The following KCNT2 variants were observed in gnomAD, a reference collection of about 807,000 sequenced individuals.
The protein encoded by KCNT2 is potassium sodium-activated channel subfamily T member 2.
In KCNT2, 67 loss-of-function variants were observed where a neutral mutation model predicts 153.8. The ratio of observed to expected loss-of-function variants is 0.44; its 90% confidence interval spans 0.36 to 0.53. The LOEUF (loss-of-function observed/expected upper bound fraction) is 0.53, where lower values mean the gene tolerates loss of function less well. KCNT2 is among the 20% of genes least tolerant of loss of function. The probability of loss-of-function intolerance (pLI) is 0.00; values close to 1 mark genes in which losing one functional copy is unlikely to be tolerated. For missense variants in KCNT2, 975 were observed against 1,354.8 expected, an observed-to-expected ratio of 0.72 and a Z score of 4.40; for synonymous variants, 500 against 458.8, an observed-to-expected ratio of 1.09 and a Z score of -1.15.
At chr1:196,528,246 T>C (rs997264217) in intron 1 of KCNT2, among the ~76,000 whole-genome samples, 88 of 152,224 alleles carry the variant, frequency 5.8e-4, no homozygotes, top group Non-Finnish European at 4.1e-4. Context: ...TAGAATCAGA[T>C]GTAGAATTAT....
At position 196,280,858 on chromosome 1, in the gene KCNT2, A is replaced by C. The variant is rs1376444628; in HGVS notation, c.2910+2T>G. 1 of 1,611,232 alleles carries C rather than the reference A, an allele frequency of 6.2e-7. No individual in the cohort carries two copies. The highest frequency in any genetic ancestry group is 1.7e-5 in the Admixed American group (1 of 59,936). ...AACAAGAATATTTTGTTATTTCCAA[A>C]CCTCAGATGTAGTAAGTTTCTGAGA... On this transcript the variant is annotated splice_donor_variant, in intron 25 of 27. Transcript: ENST00000294725. LOFTEE classifies it high-confidence loss of function.
In KCNT2 at chr1:196,228,476, C is replaced by T. The variant is rs1335552937; in HGVS notation, c.3297-141G>A. ...TCTGTATACAACATTGGTGGTAGAA[C>T]TCACTGTTTGGTTGGCCTTTACAAT... On this transcript the variant is annotated intron_variant, in intron 27 of 27. Coordinates refer to ENST00000294725, the MANE Select transcript of KCNT2 (RefSeq NM_198503.5). 3.6e-5 allele frequency: 19 copies of T among 528,308 alleles called. No individual in the cohort carries two copies. The East Asian group carries it at 6.1e-4, about 17-fold the overall frequency. 32.7% of individuals were successfully genotyped at this position (528,308 alleles called of 1,614,324 possible).
intron 5 of KCNT2, among the ~76,000 whole-genome samples, chr1:196,471,174 TGGGATTACA>T (rs1243216914): frequency 2.0e-5 from 3 of 152,108 alleles, no homozygotes; most frequent in Non-Finnish European, 4.4e-5. Context: ...CCCAAAGTGC[TGGGATTACA>T]GGCATGAGCC....
intron 5 of KCNT2, among the ~76,000 whole-genome samples, chr1:196,469,372 A>G (rs182793087): frequency 1.3e-5 from 2 of 152,308 alleles, no homozygotes; most frequent in African/African-American, 4.8e-5. Context: ...AAACACATTA[A>G]CAAAACCTAC....
intron 19 of KCNT2, among the ~76,000 whole-genome samples, chr1:196,326,073 A>T (rs966855335): frequency 6.6e-6 from 1 of 152,122 alleles, no homozygotes; most frequent in Non-Finnish European, 1.5e-5. Context: ...ACAGAGACGG[A>T]TATTATAATT....
At chr1:196,250,611 A>C (rs565452329) in intron 26 of KCNT2, among the ~76,000 whole-genome samples, 2 of 152,272 alleles carry the variant, frequency 1.3e-5, no homozygotes, top group East Asian at 3.9e-4. Flanking sequence ...CCAATGCAAA[A>C]ATTGACAAAT....
intron 19 of KCNT2, among the ~76,000 whole-genome samples, chr1:196,320,065 T>C (rs553933372): frequency 5.3e-4 from 81 of 151,910 alleles, no homozygotes; most frequent in African/African-American, 1.9e-3. Context: ...ATAAATATAG[T>C]ATATATGCTC....
chr1:196,334,753 A>G (rs977599354), intron 16 of KCNT2, among the ~76,000 whole-genome samples: 1 of 152,084 alleles, frequency 6.6e-6, no homozygotes, highest in Non-Finnish European at 1.5e-5. Context: ...CAAAGTTTCT[A>G]CAAGATGAAA....
intron 1 of KCNT2, among the ~76,000 whole-genome samples, chr1:196,529,496 T>C (rs1489206736): frequency 6.6e-6 from 1 of 152,132 alleles, no homozygotes; most frequent in African/African-American, 2.4e-5. Context: ...TCTGCTCAGA[T>C]ACTTGTTCAA....
chr1:196,492,293 T>C lies in KCNT2; in HGVS notation c.144A>G (p.Leu48=). Residue 48 remains leucine, a synonymous_variant, in exon 2 of 28, where the codon CTA becomes CTG. Transcript: ENST00000294725. Reference sequence around the variant, plus strand: ...TCTGGTTTTTTATGAAAAATAATTTTAGTCTTTCTTTAAATGTATTTTCAT... The same window carrying C: ...TCTGGTTTTTTATGAAAAATAATTTCAGTCTTTCTTTAAATGTATTTTCAT... ...YMNENTFKER[L]KLFFIKNQRS... 1.4e-6 allele frequency: 2 copies of C among 1,436,764 alleles called. No individual in the cohort carries two copies. Among genetic ancestry groups the C allele is most frequent in the Non-Finnish European group, 1.9e-6 (2 of 1,072,028 alleles). The allele number at this position is 1,436,764 out of a possible 1,614,324, so 89.0% of individuals were successfully genotyped here.
chr1:196,366,079 A>C (rs1668012942), intron 14 of KCNT2, among the ~76,000 whole-genome samples: 2 of 152,008 alleles, frequency 1.3e-5, no homozygotes, highest in Admixed American at 1.3e-4. Flanking sequence ...GTTTCTTTTC[A>C]GATCTCAACT....
intron 12 of KCNT2, among the ~76,000 whole-genome samples, chr1:196,409,691 A>T (rs981805052): frequency 4.0e-5 from 6 of 151,490 alleles, no homozygotes; most frequent in Non-Finnish European, 7.4e-5. Context: ...TTCCTTATCT[A>T]TTCATCTGTT....
At position 196,245,173 on chromosome 1, in the gene KCNT2, G is replaced by A. The variant is rs181561442; in HGVS notation, c.3212-9103C>T. ...TGCACCGTGAGTAGATATGGCTGCA[G>A]TGACCAAAAACTTTAAACACAAAGT... On this transcript the variant is annotated intron_variant, in intron 26 of 27. Coordinates refer to ENST00000294725, the MANE Select transcript of KCNT2 (RefSeq NM_198503.5). Among the ~76,000 whole-genome samples, 222 of 152,252 alleles carry A rather than the reference G, an allele frequency of 1.5e-3. 3 individuals are homozygous for A. The highest frequency in any genetic ancestry group is 2.4e-3 in the Non-Finnish European group (164 of 68,000).
chr1:196,412,652 CACAAATGT>C (rs989427451), intron 12 of KCNT2, among the ~76,000 whole-genome samples: 4 of 151,346 alleles, frequency 2.6e-5, no homozygotes, highest in Non-Finnish European at 5.9e-5. Context: ...CCCCAGCACA[CACAAATGT>C]ACAGTATGGT....
intron 12 of KCNT2, among the ~76,000 whole-genome samples, chr1:196,402,966 G>A (rs1671544015): frequency 6.6e-6 from 1 of 151,602 alleles, no homozygotes; most frequent in Non-Finnish European, 1.5e-5. Flanking sequence ...ATTGCTGGGA[G>A]GGAATGCAAA....
At chr1:196,338,259 G>T (rs546580528) in intron 16 of KCNT2, among the ~76,000 whole-genome samples, 1 of 151,972 alleles carries the variant, frequency 6.6e-6, no homozygotes, top group African/African-American at 2.4e-5. Flanking sequence ...AAGGCCCATT[G>T]GTGAAAAAAA....
chr1:196,574,924 G>A (rs1464373843), intron 1 of KCNT2, among the ~76,000 whole-genome samples: 3 of 151,864 alleles, frequency 2.0e-5, no homozygotes, highest in African/African-American at 7.2e-5. Flanking sequence ...TTTTCAACAA[G>A]TAACATGGTG....
intron 12 of KCNT2, among the ~76,000 whole-genome samples, chr1:196,409,597 G>A (rs1026849780): frequency 1.3e-5 from 2 of 151,520 alleles, no homozygotes; most frequent in African/African-American, 2.4e-5. Context: ...TGAATCCAGA[G>A]TGTCACAACA....
intron 12 of KCNT2, among the ~76,000 whole-genome samples, chr1:196,405,717 T>G (rs576223667): frequency 4.0e-5 from 6 of 151,540 alleles, no homozygotes; most frequent in Non-Finnish European, 8.9e-5. Flanking sequence ...AAAATACATC[T>G]GCAGCACTTG....
Sources: gnomAD v4.1 joint callset for allele counts (sites outside exome capture counted in the v4.1 genomes callset) on GRCh38, gnomAD v4.1.1 for gene constraint, MANE v1.5 for transcripts, NCBI Gene and HGNC (gene_info 2026-07-23, HGNC 2026-07-21) for gene names.